The following SNX29 variants were observed in gnomAD, a reference collection of about 807,000 sequenced individuals.
SNX29 encodes the protein sorting nexin 29, also known as sorting nexin-29.
SNX29 carries 78 observed loss-of-function variants against 102.1 expected under a neutral mutation model. The ratio of observed to expected loss-of-function variants is 0.76; its 90% CI spans 0.64 to 0.92. SNX29 has a LOEUF of 0.92. Ranked by LOEUF, SNX29 falls within the 40% of genes least tolerant of loss-of-function variation. The pLI, the probability that SNX29 is intolerant of heterozygous loss-of-function variation, is 0.00. For missense variants in SNX29, 1,280 were observed against 1,061.7 expected, an observed-to-expected ratio of 1.21 and a Z score of -2.86; for synonymous variants, 580 against 414.5, an observed-to-expected ratio of 1.40 and a Z score of -4.85.
intron 13 of SNX29, among the ~76,000 whole-genome samples, chr16:12,140,844 G>C (rs2054842937): frequency 6.6e-6 from 1 of 152,144 alleles, no homozygotes; most frequent in Non-Finnish European, 1.5e-5. Flanking sequence ...GATCTTAGAA[G>C]ACTCAATATC....
intron 10 of SNX29, among the ~76,000 whole-genome samples, chr16:12,072,649 C>T (rs2051357089): frequency 6.6e-6 from 1 of 152,076 alleles, no homozygotes. Flanking sequence ...TGTGTCTCTG[C>T]CCGGCTTTGG....
Position 12,536,486 on chromosome 16 carries a change from C to G in SNX29, c.2318+11645C>G, listed in dbSNP as rs189690292. On this transcript the variant is annotated intron_variant, in intron 20 of 20. Transcript: ENST00000566228. ...TATGCCGTTTACTTTATCAGTGATCCTGGATTAGAACCTTTAGGGACTTCA... is the reference window on the plus strand; with the variant it reads ...TATGCCGTTTACTTTATCAGTGATCGTGGATTAGAACCTTTAGGGACTTCA... Among the ~76,000 whole-genome samples, 24 of 152,222 alleles carry G rather than the reference C, an allele frequency of 1.6e-4. No individual in the cohort carries two copies. The East Asian group carries it at 3.5e-3, about 22-fold the overall frequency.
At chr16:12,213,445 A>G (rs568335610) in intron 14 of SNX29, among the ~76,000 whole-genome samples, 143 of 152,306 alleles carry the variant, frequency 9.4e-4, no homozygotes, top group African/African-American at 3.3e-3. Context: ...TCAAGTCACC[A>G]AAAGCCATTT....
At chr16:12,118,575 C>CA in intron 11 of SNX29, among the ~76,000 whole-genome samples, 1 of 152,184 alleles carries the variant, frequency 6.6e-6, no homozygotes, top group East Asian at 1.9e-4. Context: ...CTCGGCCTCC[C>CA]AAAGTGTTGG....
chr16:12,158,973 G>C (rs2055669470), intron 13 of SNX29, among the ~76,000 whole-genome samples: 1 of 152,232 alleles, frequency 6.6e-6, no homozygotes, highest in African/African-American at 2.4e-5. Flanking sequence ...CATGGAGAAT[G>C]GGCGGAGAAT....
intron 4 of SNX29, among the ~76,000 whole-genome samples, chr16:12,041,185 C>T (rs1428194090): frequency 1.3e-5 from 2 of 152,098 alleles, no homozygotes; most frequent in Non-Finnish European, 2.9e-5. Flanking sequence ...GATCTTGGCT[C>T]ATTGCACCTT....
At chr16:12,323,498 G>A (rs2081025615) in intron 15 of SNX29, among the ~76,000 whole-genome samples, 1 of 147,858 alleles carries the variant, frequency 6.8e-6, no homozygotes. Flanking sequence ...GTCAGCCACT[G>A]TAGTCTGCCT....
intron 8 of SNX29, among the ~76,000 whole-genome samples, chr16:12,058,495 G>GTTTTTTTTTTT (rs1249420541): frequency 9.4e-5 from 10 of 106,536 alleles, no homozygotes; most frequent in African/African-American, 2.3e-4. Flanking sequence ...TTGGTTTTTG[G>GTTTTTTTTTTT]TTTTTTTTTT....
intron 18 of SNX29, among the ~76,000 whole-genome samples, chr16:12,428,287 C>A (rs1340743604): frequency 6.6e-6 from 1 of 152,124 alleles, no homozygotes; most frequent in East Asian, 1.9e-4. Context: ...TCAACAGAGA[C>A]AATTTGGACA....
At chr16:11,993,158 C>A (rs2055918331) in intron 1 of SNX29, among the ~76,000 whole-genome samples, 2 of 145,372 alleles carry the variant, frequency 1.4e-5, no homozygotes. Flanking sequence ...AAGTGAGACT[C>A]TGTCTCATAA....
intron 14 of SNX29, among the ~76,000 whole-genome samples, chr16:12,237,227 A>G (rs908626435): frequency 6.6e-6 from 1 of 152,090 alleles, no homozygotes; most frequent in Admixed American, 6.5e-5. Flanking sequence ...CATAAAACAG[A>G]AAAAGGGAGT....
In SNX29 at chr16:12,568,859, C is replaced by G. The variant is rs1010813034; in HGVS notation, c.*230C>G. 3.5e-5 allele frequency: 22 copies of G among 628,050 alleles called. No individual in the cohort carries two copies. The highest frequency in any genetic ancestry group is 1.1e-5 in the Non-Finnish European group (4 of 377,696). 38.9% of individuals were successfully genotyped at this position (628,050 alleles called of 1,614,324 possible). ...GCACCTCGCTGGAGAGACTGGGACACACAGTCCTTCTGCTTCTGGGGTCTA... is the reference window on the plus strand; with the variant it reads ...GCACCTCGCTGGAGAGACTGGGACAGACAGTCCTTCTGCTTCTGGGGTCTA... On this transcript the variant is annotated 3_prime_UTR_variant, in exon 21 of 21. Coordinates refer to ENST00000566228, the MANE Select transcript of SNX29 (RefSeq NM_032167.5).
intron 19 of SNX29, among the ~76,000 whole-genome samples, 151 bp downstream of exon 19, chr16:12,478,010 C>T (rs547646976): frequency 1.1e-4 from 17 of 152,362 alleles, no homozygotes; most frequent in Non-Finnish European, 1.8e-4. Flanking sequence ...AATAGCCATT[C>T]ATAATTCCAC....
intron 16 of SNX29, among the ~76,000 whole-genome samples, chr16:12,396,554 G>A (rs1202511807): frequency 4.6e-5 from 7 of 152,210 alleles, no homozygotes; most frequent in African/African-American, 1.4e-4. Context: ...CAGAAAAGAG[G>A]AGTGGCCAAG....
At chr16:12,152,584 C>T (rs548680570) in intron 13 of SNX29, among the ~76,000 whole-genome samples, 37 of 152,318 alleles carry the variant, frequency 2.4e-4, no homozygotes, top group African/African-American at 8.4e-4. Context: ...CCACCATCTT[C>T]AAACCAGTGA....
At chr16:12,293,133 G>A (rs1011004612) in intron 15 of SNX29, among the ~76,000 whole-genome samples, 5 of 152,056 alleles carry the variant, frequency 3.3e-5, no homozygotes, top group East Asian at 1.9e-4. Flanking sequence ...AAAGAGATGC[G>A]GTCTTGCTAT....
chr16:12,479,514 G>A (rs1287248786), intron 19 of SNX29, among the ~76,000 whole-genome samples: 1 of 152,200 alleles, frequency 6.6e-6, no homozygotes, highest in Non-Finnish European at 1.5e-5. Flanking sequence ...CCCAGGCCCA[G>A]AATACATTTG....
intron 2 of SNX29, among the ~76,000 whole-genome samples, chr16:12,002,072 A>G (rs896013965): frequency 2.0e-5 from 3 of 151,526 alleles, no homozygotes; most frequent in Non-Finnish European, 4.4e-5. Context: ...ATTGCTTAAC[A>G]TTGTGAATTG....
rs141605153 is a variant in SNX29, at chr16:12,128,611, C to G, written c.1467-1019C>G. 5.3e-3 allele frequency among the ~76,000 whole-genome samples: 806 copies of G among 152,114 alleles called. 9 individuals carry two copies. Among genetic ancestry groups the G allele is most frequent in the African/African-American group, 0.019 (770 of 41,494 alleles). ...GGCATTACAGGTGTGTACTACCACA[C>G]CTGAGTAATTTTTGTATTTTTAGTA... On this transcript the variant is annotated intron_variant, in intron 12 of 20. Transcript: ENST00000566228.
Sources: allele counts gnomAD v4.1 joint callset (sites outside exome capture counted in the v4.1 genomes callset), GRCh38; gene constraint gnomAD v4.1.1; transcripts MANE v1.5; gene names NCBI Gene and HGNC (gene_info 2026-07-23, HGNC 2026-07-21).